JAKMIP3: variants seen among roughly 807,000 people sequenced by gnomAD.
JAKMIP3 encodes the protein janus kinase and microtubule-interacting protein 3.
A neutral mutation model predicts 118.5 loss-of-function variants in JAKMIP3; 58 were observed. The observed-to-expected ratio is 0.49, with a 90% CI of 0.40 to 0.61. JAKMIP3 has a LOEUF of 0.61. Ranked by LOEUF, JAKMIP3 falls within the 20% of genes least tolerant of loss-of-function variation. JAKMIP3 has a pLI of 0.00. For missense variants in JAKMIP3, 950 were observed against 1,109.0 expected (o/e 0.86, Z 2.04); for synonymous variants, 486 against 451.2 (o/e 1.08, Z -0.98).
At chr10:132,146,391 A>G (rs77586901) in intron 13 of JAKMIP3, among the ~76,000 whole-genome samples, 16,855 of 152,124 alleles carry the variant, frequency 0.11, 1,260 homozygotes, top group Middle Eastern at 0.15. Flanking sequence ...TGGGCAGTCC[A>G]GGGCCATCCC....
chr10:132,048,662 C>CTTTTTTTTTTTTTTT (rs1366816957), intron 1 of JAKMIP3, among the ~76,000 whole-genome samples: 1 of 99,322 alleles, frequency 1.0e-5, no homozygotes, highest in Non-Finnish European at 1.9e-5. Context: ...TTGACTGTTT[C>CTTTTTTTTTTTTTTT]TTTTCTTTTT....
chr10:132,140,263 C>CTGCCAGCCT (rs1268266146), intron 9 of JAKMIP3, among the ~76,000 whole-genome samples, 188 bp from the exon 10 acceptor site: 1 of 152,230 alleles, frequency 6.6e-6, no homozygotes. Flanking sequence ...CCCACCCGCC[C>CTGCCAGCCT]TGCCAGCCTT....
intron 19 of JAKMIP3, among the ~76,000 whole-genome samples, chr10:132,154,243 A>G (rs2056714763): frequency 6.6e-6 from 1 of 152,248 alleles, no homozygotes. Flanking sequence ...AGAATGTTCT[A>G]CAGCCTTTGT....
rs767621243 is a variant in JAKMIP3 at position 132,140,401 on chromosome 10, G to A, written c.1345-50G>A. 5.7e-5 allele frequency: 91 copies of A among 1,608,708 alleles called. 1 individual carries two copies. The highest frequency in any genetic ancestry group is 7.4e-5 in the Non-Finnish European group (87 of 1,176,854). On this transcript the variant is annotated intron_variant, in intron 9 of 23. Transcript: ENST00000684848. ...GCGGGAGGAGGCGGCGGGAGGAGGC[G>A]GCTGTGCCTGGGTCTGGTTTGAACT... is the stretch of plus-strand genomic sequence containing the variant.
chr10:132,107,049 A>ATTT (rs34703494), intron 2 of JAKMIP3, among the ~76,000 whole-genome samples: 13 of 131,694 alleles, frequency 9.9e-5, no homozygotes, highest in African/African-American at 3.4e-4. Flanking sequence ...ATGTCCGGCT[A>ATTT]TTTTTTTTTT....
At chr10:132,098,550 G>T (rs1433608129) in intron 1 of JAKMIP3, among the ~76,000 whole-genome samples, 1 of 152,220 alleles carries the variant, frequency 6.6e-6, no homozygotes, top group African/African-American at 2.4e-5. Flanking sequence ...TGTCCATCTT[G>T]AAGCATCTTT....
At chr10:132,110,544 C>A (rs1365463680) in intron 2 of JAKMIP3, among the ~76,000 whole-genome samples, 2 of 152,324 alleles carry the variant, frequency 1.3e-5, no homozygotes, top group Non-Finnish European at 2.9e-5. Context: ...ATCTCTTTAT[C>A]AAAAATCATC....
At position 132,084,937 on chromosome 10, in the gene JAKMIP3, G is replaced by A. The variant is rs572186031; in HGVS notation, c.-138+18876G>A. On this transcript the variant is annotated intron_variant, in intron 1 of 23. Transcript: ENST00000684848. ...CTGGTTTGAAACTTACTTGATCATG[G>A]TGGACTATCTTTTCGATATGTTGTT... 2.6e-5 allele frequency among the ~76,000 whole-genome samples: 4 copies of A among 152,278 alleles called. No homozygotes were observed. In the South Asian group the frequency reaches 8.3e-4, roughly 32 times the overall value.
At chr10:132,073,481 G>A (rs891891269) in intron 1 of JAKMIP3, among the ~76,000 whole-genome samples, 10 of 149,528 alleles carry the variant, frequency 6.7e-5, no homozygotes, top group South Asian at 4.2e-4. Context: ...CACTGCGCCC[G>A]GCCTATCTTT....
At chr10:132,101,910 G>A (rs1234970130) in intron 1 of JAKMIP3, among the ~76,000 whole-genome samples, 1 of 152,132 alleles carries the variant, frequency 6.6e-6, no homozygotes, top group Admixed American at 6.5e-5. Flanking sequence ...TCCCCCTGGA[G>A]AGTCCCCTTC....
rs1028888755 is a variant in JAKMIP3 at position 132,179,127 on chromosome 10, A to G, written c.*1104-3230A>G. Among the ~76,000 whole-genome samples, 1 of 152,196 alleles carries G rather than the reference A, an allele frequency of 6.6e-6. No individual in the cohort carries two copies. On this transcript the variant is annotated intron_variant, in intron 23 of 23. Coordinates refer to ENST00000684848, the MANE Select transcript of JAKMIP3 (RefSeq NM_001323087.2). This position sits in a 1 kb window ranked among gnomAD's most constrained non-coding sequence, Gnocchi z 4.3. Reference sequence around the variant, plus strand: ...CTGCTGCCGCCCTTGGCACTGTCCAATGAGCCAAGTTCATGATTGTGGTTG... The same window carrying G: ...CTGCTGCCGCCCTTGGCACTGTCCAGTGAGCCAAGTTCATGATTGTGGTTG...
Position 132,149,472 on chromosome 10 carries a change from A to C in JAKMIP3, c.1909A>C (p.Ser637Arg), listed in dbSNP as rs1381821282. ...CCACACGCCCTTCGTGGACGGGAAG[A>C]GCCCCCTCCAGGTGTACTGCGAGGC... Reference protein sequence around the residue: ...FHHTPFVDGKSPLQVYCEAEG... With the variant: ...FHHTPFVDGKRPLQVYCEAEG... Residue 637 changes from serine to arginine, a missense_variant, in exon 15 of 24, where the codon AGC becomes CGC. Ser to Arg is a moderately radical substitution (Grantham distance 110, BLOSUM62 -1). Coordinates refer to ENST00000684848, the MANE Select transcript of JAKMIP3 (RefSeq NM_001323087.2). 6.2e-7 allele frequency: 1 copy of C among 1,603,298 alleles called. No homozygotes were observed. The highest frequency in any genetic ancestry group is 1.4e-5 in the African/African-American group (1 of 74,022).
At chr10:132,137,972 A>G in intron 8 of JAKMIP3, 147 bp from the exon 9 acceptor site, 1 of 677,690 alleles carries the variant, frequency 1.5e-6, no homozygotes, top group African/African-American at 2.1e-5. Context: ...AGCTGGAGCC[A>G]GGGCCTCCCG....
At chr10:132,145,620 C>G (rs1395181709) in intron 13 of JAKMIP3, 40 bp downstream of exon 13, 1 of 1,518,830 alleles carries the variant, frequency 6.6e-7, no homozygotes, top group Admixed American at 2.0e-5. Context: ...AGGACTCGCT[C>G]TATGCTCCTG....
intron 1 of JAKMIP3, among the ~76,000 whole-genome samples, chr10:132,071,415 G>A (rs574841410): frequency 1.5e-4 from 23 of 152,278 alleles, no homozygotes; most frequent in Admixed American, 1.2e-3. Flanking sequence ...ACAAATGCCA[G>A]TCAGATCCAC....
intron 1 of JAKMIP3, among the ~76,000 whole-genome samples, chr10:132,071,784 TTTCC>T (rs1051207544): frequency 2.4e-4 from 36 of 152,066 alleles, no homozygotes; most frequent in East Asian, 1.2e-3. Context: ...TTTTTCTTTC[TTTCC>T]TTCCTTCCTT....
chr10:132,099,060 G>A (rs1014912628), intron 1 of JAKMIP3, among the ~76,000 whole-genome samples: 1 of 152,112 alleles, frequency 6.6e-6, no homozygotes, highest in Non-Finnish European at 1.5e-5. Flanking sequence ...GGATGCCCCC[G>A]AATCACAGGA....
At chr10:132,163,170 G>C (rs370067595) in intron 19 of JAKMIP3, 39 bp from the exon 20 acceptor site, 1 of 1,531,940 alleles carries the variant, frequency 6.5e-7, no homozygotes, top group Non-Finnish European at 8.8e-7. Flanking sequence ...TTGTTCTGGG[G>C]AGAAGGCAAG....
intron 1 of JAKMIP3, among the ~76,000 whole-genome samples, chr10:132,078,983 C>T (rs1416960098): frequency 1.3e-5 from 2 of 152,182 alleles, no homozygotes; most frequent in Non-Finnish European, 1.5e-5. Context: ...TGGTGGGTGG[C>T]CCTGAAGGCT....
Sources: allele counts gnomAD v4.1 joint callset (sites outside exome capture counted in the v4.1 genomes callset), GRCh38; gene constraint gnomAD v4.1.1; non-coding constraint Gnocchi (gnomAD v3.1); transcripts MANE v1.5; gene names NCBI Gene and HGNC (gene_info 2026-07-23, HGNC 2026-07-21).